The following PRDM6 variants were observed in gnomAD, a reference collection of about 807,000 sequenced individuals.
PRDM6 encodes the protein PR/SET domain 6.
A neutral mutation model predicts 60.8 loss-of-function variants in PRDM6; 25 were observed. The ratio of observed to expected loss-of-function variants is 0.41; its 90% CI spans 0.30 to 0.57. The LOEUF (loss-of-function observed/expected upper bound fraction) is 0.57. Among genes scored for constraint, PRDM6 ranks in the 20% least tolerant of loss-of-function variants. The pLI is 0.27. For missense variants in PRDM6, 839 were observed against 821.3 expected (o/e 1.02, Z -0.26); for synonymous variants, 407 against 357.4 (o/e 1.14, Z -1.57).
intron 3 of PRDM6, among the ~76,000 whole-genome samples, chr5:123,114,660 T>A (rs1252306236): frequency 6.6e-6 from 1 of 152,232 alleles, no homozygotes; most frequent in East Asian, 1.9e-4. Context: ...GGTTTAAGAT[T>A]AAGGTAACAG....
intron 2 of PRDM6, among the ~76,000 whole-genome samples, chr5:123,096,956 T>C (rs1328467911): frequency 1.3e-5 from 2 of 152,142 alleles, no homozygotes; most frequent in Non-Finnish European, 1.5e-5. Context: ...ATGTTGGAAG[T>C]TGACTGTCTC....
intron 3 of PRDM6, among the ~76,000 whole-genome samples, chr5:123,117,796 G>A (rs1764492415): frequency 6.6e-6 from 1 of 152,232 alleles, no homozygotes; most frequent in African/African-American, 2.4e-5. Context: ...TGCATGTGCA[G>A]TGACTATCAT....
intron 2 of PRDM6, among the ~76,000 whole-genome samples, chr5:123,090,856 C>T (rs1007328382): frequency 1.3e-5 from 2 of 152,348 alleles, no homozygotes; most frequent in Non-Finnish European, 1.5e-5. Context: ...CCTCTCCTCA[C>T]CTGCTTCACA....
chr5:123,134,561 G>A (rs1327465939), intron 3 of PRDM6, among the ~76,000 whole-genome samples: 2 of 152,116 alleles, frequency 1.3e-5, no homozygotes, highest in Non-Finnish European at 2.9e-5. Flanking sequence ...TTAAATTATA[G>A]CACACACAGA....
At chr5:123,126,271 C>T (rs1017825453) in intron 3 of PRDM6, among the ~76,000 whole-genome samples, 3 of 152,096 alleles carry the variant, frequency 2.0e-5, no homozygotes, top group Non-Finnish European at 2.9e-5. Context: ...ACAGAGGCTG[C>T]CTCCAGGGTT....
chr5:123,111,800 C>T (rs906642917), intron 3 of PRDM6, among the ~76,000 whole-genome samples: 15 of 152,156 alleles, frequency 9.9e-5, no homozygotes. Context: ...GTCTTTGCTA[C>T]TCTTGAGCTC....
chr5:123,189,444 A>T lies in PRDM6; in HGVS notation c.*2243A>T, dbSNP rs746748266. The T allele has an allele frequency of 1.3e-5, 2 of 152,156 alleles. No homozygotes were observed. The highest frequency in any genetic ancestry group is 2.9e-5 in the Non-Finnish European group (2 of 68,034). 9.4% of individuals were successfully genotyped at this position (152,156 alleles called of 1,614,324 possible). ...GTTCTCATGAGCTTCAGAACGTGGG[A>T]GAATGAGAAGGCTTCCCTCCTCCCT... On this transcript the variant is annotated 3_prime_UTR_variant, in exon 8 of 8. Transcript: ENST00000407847.
chr5:123,154,062 G>C (rs1310786976), intron 3 of PRDM6, among the ~76,000 whole-genome samples: 2 of 151,468 alleles, frequency 1.3e-5, no homozygotes, highest in African/African-American at 4.9e-5. Context: ...GAAGAAACTG[G>C]TTAAGATTAA....
At position 123,099,143 on chromosome 5, in the gene PRDM6, A is replaced by G. The variant is rs1764032979; in HGVS notation, c.593-511A>G. On this transcript the variant is annotated intron_variant, in intron 2 of 7. Transcript: ENST00000407847. This position sits in a 1 kb window ranked among gnomAD's most constrained non-coding sequence, Gnocchi z 4.0. ...AGGAAAGCTGAATACCCAGACGACC[A>G]GTATAGAATCTCTTCGAGACAGCAG... Among the ~76,000 whole-genome samples, 1 of 152,172 alleles carries G rather than the reference A, an allele frequency of 6.6e-6. No individual in the cohort carries two copies. Among genetic ancestry groups the G allele is most frequent in the Admixed American group, 6.5e-5 (1 of 15,288 alleles).
chr5:123,116,533 A>C (rs1269444746), intron 3 of PRDM6, among the ~76,000 whole-genome samples: 1 of 152,226 alleles, frequency 6.6e-6, no homozygotes, highest in Non-Finnish European at 1.5e-5. Flanking sequence ...TTATCAAAGA[A>C]AACCGTCATA....
chr5:123,187,279 T>G lies in PRDM6; in HGVS notation c.*78T>G. 1 of 1,120,108 alleles carries G rather than the reference T, an allele frequency of 8.9e-7. No individual in the cohort carries two copies. The highest frequency in any genetic ancestry group is 1.3e-6 in the Non-Finnish European group (1 of 761,530). 69.4% of individuals were successfully genotyped at this position (1,120,108 alleles called of 1,614,324 possible). On this transcript the variant is annotated 3_prime_UTR_variant, in exon 8 of 8. Coordinates refer to ENST00000407847, the MANE Select transcript of PRDM6 (RefSeq NM_001136239.4). ...GGACACTTAAGCAAAACCAAAGATTTCCTCTGAGCAACTTTCAATCAGTCC... is the reference window on the plus strand; with the variant it reads ...GGACACTTAAGCAAAACCAAAGATTGCCTCTGAGCAACTTTCAATCAGTCC...
At chr5:123,186,840 C>A (rs2126895234) in intron 7 of PRDM6, among the ~76,000 whole-genome samples, 1 of 152,348 alleles carries the variant, frequency 6.6e-6, no homozygotes, top group East Asian at 1.9e-4. Flanking sequence ...AGAGCTGCAG[C>A]AGGACAGGGC....
chr5:123,125,752 G>T (rs1362466578), intron 3 of PRDM6, among the ~76,000 whole-genome samples: 1 of 152,194 alleles, frequency 6.6e-6, no homozygotes, highest in Non-Finnish European at 1.5e-5. Flanking sequence ...AGTTGGAAAA[G>T]AAATTATTTT....
rs1420130449 is a variant in PRDM6 at position 123,090,398 on chromosome 5, C to T, written c.384C>T (p.Ala128=). 2 of 1,459,918 alleles carry T rather than the reference C, an allele frequency of 1.4e-6. No homozygotes were observed. The highest frequency in any genetic ancestry group is 1.5e-5 in the African/African-American group (1 of 67,908). The allele number at this position is 1,459,918 out of a possible 1,614,324, so 90.4% of individuals were successfully genotyped here. The change falls in exon 2 of 8, where the codon GCC becomes GCT. Residue 128 remains alanine (A), a synonymous_variant. Transcript: ENST00000407847. The part of the protein sequence containing the change: ...VFAPLAAAAV[A]AEPLPPKELC... ...CGCCTCTAGCCGCCGCTGCCGTCGC[C>T]GCCGAGCCGCTGCCCCCCAAGGAAC...
chr5:123,146,719 C>T (rs1429241086), intron 3 of PRDM6, among the ~76,000 whole-genome samples: 2 of 152,084 alleles, frequency 1.3e-5, no homozygotes, highest in Admixed American at 6.6e-5. Flanking sequence ...TTCTCTGATG[C>T]CAAGGGCTGA....
chr5:123,119,971 A>C (rs149844870), intron 3 of PRDM6, among the ~76,000 whole-genome samples: 46 of 152,362 alleles, frequency 3.0e-4, no homozygotes, highest in African/African-American at 1.1e-3. Flanking sequence ...TTTTTAACTT[A>C]AAATTTTTTC....
intron 5 of PRDM6, among the ~76,000 whole-genome samples, chr5:123,161,480 C>G (rs1765629663): frequency 6.6e-6 from 1 of 152,106 alleles, no homozygotes; most frequent in African/African-American, 2.4e-5. Flanking sequence ...GTTACAGTTT[C>G]AGAGAGTGAA....
At chr5:123,172,112 AC>A (rs1168451141) in intron 6 of PRDM6, among the ~76,000 whole-genome samples, 1 of 152,164 alleles carries the variant, frequency 6.6e-6, no homozygotes, top group Non-Finnish European at 1.5e-5. Flanking sequence ...TAAGCAAGCC[AC>A]TTGGCTCTCC....
chr5:123,154,442 T>G (rs950227725), intron 3 of PRDM6, among the ~76,000 whole-genome samples: 7 of 152,188 alleles, frequency 4.6e-5, no homozygotes, highest in Admixed American at 1.3e-4. Flanking sequence ...GATTAATGTT[T>G]GAATTTCATT....
Sources: allele counts gnomAD v4.1 joint callset (sites outside exome capture counted in the v4.1 genomes callset), GRCh38; gene constraint gnomAD v4.1.1; non-coding constraint Gnocchi (gnomAD v3.1); transcripts MANE v1.5; gene names NCBI Gene and HGNC (gene_info 2026-07-23, HGNC 2026-07-21).